The following SMG6 variants were observed in gnomAD, a reference collection of about 807,000 sequenced individuals.
The protein encoded by SMG6 is SMG6 nonsense mediated mRNA decay factor, also known as telomerase-binding protein EST1A.
SMG6 carries 66 observed loss-of-function variants against 142.2 expected under a neutral mutation model. That is an observed-to-expected ratio of 0.46 (90% CI 0.38 to 0.57). The LOEUF is 0.57. SMG6 is among the 20% of genes least tolerant of loss of function. The pLI, the probability that SMG6 is intolerant of heterozygous loss-of-function variation, is 0.00. For synonymous variants in SMG6, 779 were observed against 702.4 expected (o/e 1.11, Z -1.72); for missense variants, 1,793 against 1,832.0 (o/e 0.98, Z 0.39).
At chr17:2,214,477 C>A (rs1164913555) in intron 10 of SMG6, 1 of 152,108 alleles carries the variant, frequency 6.6e-6, no homozygotes, top group Non-Finnish European at 1.5e-5. Flanking sequence ...GGCTGTGCCC[C>A]GTATCTCTTC....
chr17:2,204,329 C>G (rs73296784), intron 10 of SMG6, among the ~76,000 whole-genome samples: 1 of 152,104 alleles, frequency 6.6e-6, no homozygotes, highest in African/African-American at 2.4e-5. Context: ...AAAAATAAGA[C>G]CAATGATAAG....
intron 13 of SMG6, chr17:2,127,359 G>C (rs997001368): frequency 1.8e-6 from 1 of 566,522 alleles, no homozygotes; most frequent in Non-Finnish European, 3.4e-6. Context: ...ATGCCACTGA[G>C]TTGTACACTT....
Position 2,071,487 on chromosome 17 carries a change from G to C in SMG6, c.3682-2556C>G, listed in dbSNP as rs78679165. On this transcript the variant is annotated intron_variant, in intron 15 of 18. Coordinates refer to ENST00000263073, the MANE Select transcript of SMG6 (RefSeq NM_017575.5). This position sits in a 1 kb window ranked among gnomAD's most constrained non-coding sequence, Gnocchi z 5.6. ...GGTTCTTAGCTCTGGCTTGCAGCTAGAAAGGTGAATAGGCCGCAGCCTTTC... is the reference window on the plus strand; with the variant it reads ...GGTTCTTAGCTCTGGCTTGCAGCTACAAAGGTGAATAGGCCGCAGCCTTTC... Among the ~76,000 whole-genome samples the C allele has an allele frequency of 0.06, 9,186 of 152,276 alleles. 499 individuals carry two copies. The highest frequency in any genetic ancestry group is 0.15 in the African/African-American group (6,056 of 41,532).
At chr17:2,255,398 C>T (rs1597720552) in intron 8 of SMG6, among the ~76,000 whole-genome samples, 4 of 63,220 alleles carry the variant, frequency 6.3e-5, no homozygotes, top group South Asian at 4.4e-4. Context: ...AGCGAGACTC[C>T]GTCTCAAAAA....
chr17:2,093,119 A>AG (rs1440899096), intron 13 of SMG6, among the ~76,000 whole-genome samples: 3 of 151,946 alleles, frequency 2.0e-5, no homozygotes, highest in Non-Finnish European at 4.4e-5. Flanking sequence ...TATTGAACCC[A>AG]GGAAGTGGAG....
chr17:2,211,383 G>A (rs1034490584), intron 10 of SMG6, among the ~76,000 whole-genome samples: 1 of 152,090 alleles, frequency 6.6e-6, no homozygotes, highest in Non-Finnish European at 1.5e-5. Flanking sequence ...GTGTTATTTG[G>A]GCCAGGCGCG....
At chr17:2,287,905 T>C (rs1001821556) in intron 6 of SMG6, among the ~76,000 whole-genome samples, 2 of 152,064 alleles carry the variant, frequency 1.3e-5, no homozygotes, top group Admixed American at 6.6e-5. Context: ...AAGAGAGAAG[T>C]GGGAGCTGTT....
Position 2,098,872 on chromosome 17 carries a change from C to T in SMG6, c.3358-12971G>A, listed in dbSNP as rs184348775. Among the ~76,000 whole-genome samples the T allele has an allele frequency of 6.6e-4, 100 of 152,228 alleles. 1 individual carries two copies. The highest frequency in any genetic ancestry group is 3.4e-3 in the Middle Eastern group (1 of 294). ...TCTCAAACTCCTGACCTCAGGTGAT[C>T]CACCCGCCTCAGCCTCCCAAAGGGC... On this transcript the variant is annotated intron_variant, in intron 13 of 18. Transcript: ENST00000263073.
intron 3 of SMG6, 91 bp from the exon 4 acceptor site, chr17:2,297,444 T>G (rs1213533991): frequency 1.1e-6 from 1 of 914,568 alleles, no homozygotes; most frequent in African/African-American, 1.7e-5. Flanking sequence ...TTCACAGTTC[T>G]GCTGATGTTC....
At chr17:2,206,153 A>G (rs1323812007) in intron 10 of SMG6, among the ~76,000 whole-genome samples, 1 of 152,006 alleles carries the variant, frequency 6.6e-6, no homozygotes, top group African/African-American at 2.4e-5. Context: ...ACATGCTGTT[A>G]AAAGATACCC....
chr17:2,133,429 G>A (rs1025795932), intron 13 of SMG6, among the ~76,000 whole-genome samples: 1 of 152,100 alleles, frequency 6.6e-6, no homozygotes, highest in Non-Finnish European at 1.5e-5. Context: ...GTGGGAAAGC[G>A]CTAGACTAAA....
chr17:2,069,858 G>A (rs1026497574), intron 15 of SMG6, among the ~76,000 whole-genome samples: 3 of 152,078 alleles, frequency 2.0e-5, no homozygotes, highest in Non-Finnish European at 2.9e-5. Context: ...CCTTTGCCAC[G>A]AATCTGTACC....
chr17:2,182,932 AC>A (rs999702946), intron 12 of SMG6, among the ~76,000 whole-genome samples: 4 of 152,158 alleles, frequency 2.6e-5, no homozygotes, highest in Non-Finnish European at 5.9e-5. Context: ...ACAGAGAAAG[AC>A]AGAGACACTA....
intron 6 of SMG6, 83 bp downstream of exon 6, chr17:2,292,469 G>T: frequency 7.6e-7 from 1 of 1,314,368 alleles, no homozygotes; most frequent in Non-Finnish European, 1.1e-6. Context: ...ATGAAATGAA[G>T]CTCCAGGAAC....
At chr17:2,177,851 G>GT (rs1167716540) in intron 12 of SMG6, among the ~76,000 whole-genome samples, 3 of 152,198 alleles carry the variant, frequency 2.0e-5, no homozygotes, top group African/African-American at 7.2e-5. Flanking sequence ...ACAAATGGCT[G>GT]TAACAAGAGA....
chr17:2,272,297 T>C (rs1567736107), intron 8 of SMG6, among the ~76,000 whole-genome samples: 1 of 152,180 alleles, frequency 6.6e-6, no homozygotes, highest in Non-Finnish European at 1.5e-5. Flanking sequence ...CAGTTAACTT[T>C]TCCAGGAAGC....
intron 8 of SMG6, among the ~76,000 whole-genome samples, chr17:2,277,243 T>C (rs1291146945): frequency 6.8e-6 from 1 of 146,698 alleles, no homozygotes; most frequent in Non-Finnish European, 1.5e-5. Context: ...CTCGGCTCAC[T>C]GCAAGCTCCG....
intron 12 of SMG6, among the ~76,000 whole-genome samples, chr17:2,183,745 G>GACACACACACACACACAC (rs56210030): frequency 6.8e-6 from 1 of 146,328 alleles, no homozygotes; most frequent in Non-Finnish European, 1.5e-5. Flanking sequence ...AGGTGCGTGC[G>GACACACACACACACACAC]ACACACACAC....
chr17:2,243,380 C>G (rs2151299889), intron 9 of SMG6, among the ~76,000 whole-genome samples: 1 of 152,300 alleles, frequency 6.6e-6, no homozygotes, highest in Non-Finnish European at 1.5e-5. Context: ...GCCCCTACCT[C>G]CACTAAGAGA....
Sources: gnomAD v4.1 joint callset for allele counts (sites outside exome capture counted in the v4.1 genomes callset) on GRCh38, gnomAD v4.1.1 for gene constraint, Gnocchi (gnomAD v3.1) non-coding constraint, MANE v1.5 for transcripts, NCBI Gene and HGNC (gene_info 2026-07-23, HGNC 2026-07-21) for gene names.